ADAMTS17: variants seen among roughly 807,000 people sequenced by gnomAD.
ADAMTS17 encodes the protein A disintegrin and metalloproteinase with thrombospondin motifs 17.
A neutral mutation model predicts 141.5 loss-of-function variants in ADAMTS17; 113 were observed. The observed-to-expected ratio is 0.80, with a 90% CI of 0.69 to 0.93. ADAMTS17 has a LOEUF of 0.93. Ranked by LOEUF, ADAMTS17 falls within the 40% of genes least tolerant of loss-of-function variation. The pLI is 0.00. For missense variants in ADAMTS17, 1,659 were observed against 1,517.9 expected, an observed-to-expected ratio of 1.09 and a Z score of -1.54; for synonymous variants, 768 against 630.6, an observed-to-expected ratio of 1.22 and a Z score of -3.27.
At chr15:100,036,408 T>C (rs1466530816) in intron 18 of ADAMTS17, among the ~76,000 whole-genome samples, 1 of 152,214 alleles carries the variant, frequency 6.6e-6, no homozygotes, top group African/African-American at 2.4e-5. Context: ...CACTGATTCC[T>C]GCTTGAGAAG....
chr15:100,017,312 G>A (rs917649337), intron 18 of ADAMTS17, among the ~76,000 whole-genome samples: 1 of 152,212 alleles, frequency 6.6e-6, no homozygotes, highest in African/African-American at 2.4e-5. Flanking sequence ...GAAAGAAAAG[G>A]GCTTGTTTCT....
intron 6 of ADAMTS17, among the ~76,000 whole-genome samples, chr15:100,259,895 A>G (rs2043456586): frequency 6.6e-6 from 1 of 152,134 alleles, no homozygotes; most frequent in Non-Finnish European, 1.5e-5. Flanking sequence ...CCCAGGCTGG[A>G]GTGCAATGGC....
At chr15:100,211,318 AAAG>A (rs1212633215) in intron 7 of ADAMTS17, among the ~76,000 whole-genome samples, 4 of 150,282 alleles carry the variant, frequency 2.7e-5, no homozygotes, top group South Asian at 2.1e-4. Context: ...AAAAAAAAAA[AAAG>A]TTAGAAGAGC....
intron 3 of ADAMTS17, among the ~76,000 whole-genome samples, chr15:100,290,148 A>G (rs1341925937): frequency 6.6e-6 from 1 of 152,176 alleles, no homozygotes; most frequent in Non-Finnish European, 1.5e-5. Flanking sequence ...CCTAGATCTG[A>G]TAACTCCAGC....
At chr15:100,102,518 C>A (rs2036174451) in intron 14 of ADAMTS17, among the ~76,000 whole-genome samples, 1 of 124,670 alleles carries the variant, frequency 8.0e-6, no homozygotes, top group Non-Finnish European at 1.7e-5. Flanking sequence ...AGGGGATCTA[C>A]ATTTGAGGGC....
intron 7 of ADAMTS17, among the ~76,000 whole-genome samples, chr15:100,213,472 G>A (rs1389295932): frequency 1.3e-5 from 2 of 152,036 alleles, no homozygotes; most frequent in African/African-American, 2.4e-5. Flanking sequence ...CTTCCTCCCC[G>A]TCCACAGCAC....
intron 3 of ADAMTS17, among the ~76,000 whole-genome samples, chr15:100,290,847 C>T (rs539096308): frequency 1.5e-3 from 230 of 152,286 alleles, no homozygotes; most frequent in Non-Finnish European, 2.8e-3. Flanking sequence ...CAAAAATTAA[C>T]TCGGGATGGA....
chr15:100,088,324 C>T (rs1489992752), intron 15 of ADAMTS17, among the ~76,000 whole-genome samples: 1 of 152,024 alleles, frequency 6.6e-6, no homozygotes, highest in Non-Finnish European at 1.5e-5. Context: ...AACCACTGCT[C>T]AATGAAATAA....
intron 10 of ADAMTS17, among the ~76,000 whole-genome samples, chr15:100,150,158 C>T (rs537348732): frequency 6.6e-6 from 1 of 152,274 alleles, no homozygotes; most frequent in Non-Finnish European, 1.5e-5. Flanking sequence ...GTAAAAGGCA[C>T]GTGGGAAGAT....
At chr15:99,995,438 C>T (rs2060782023) in intron 19 of ADAMTS17, among the ~76,000 whole-genome samples, 1 of 152,234 alleles carries the variant, frequency 6.6e-6, no homozygotes, top group Non-Finnish European at 1.5e-5. Flanking sequence ...CTGAGCAGTG[C>T]TGCAGGCTGC....
At chr15:100,192,550 A>G (rs757081587) in intron 8 of ADAMTS17, among the ~76,000 whole-genome samples, 6 of 152,200 alleles carry the variant, frequency 3.9e-5, no homozygotes, top group Non-Finnish European at 8.8e-5. Context: ...ATGCCGGCCC[A>G]TCTGATGTCT....
At position 100,185,303 on chromosome 15, in the gene ADAMTS17, G is replaced by C. The variant is rs1042393474; in HGVS notation, c.1181+14015C>G. Among the ~76,000 whole-genome samples, 3 of 152,050 alleles carry C rather than the reference G, an allele frequency of 2.0e-5. No homozygotes were observed. The East Asian group carries it at 5.8e-4, about 29-fold the overall frequency. ...GACATAAAGCCCTGAGAACAAGCTC[G>C]TAGAAGAAACCTGTGAGATCTACCA... On this transcript the variant is annotated intron_variant, in intron 8 of 21. Coordinates refer to ENST00000268070, the MANE Select transcript of ADAMTS17 (RefSeq NM_139057.4).
intron 20 of ADAMTS17, among the ~76,000 whole-genome samples, chr15:99,989,147 G>T (rs1716726454): frequency 6.6e-6 from 1 of 152,168 alleles, no homozygotes; most frequent in African/African-American, 2.4e-5. Flanking sequence ...CTCTGCCGGG[G>T]GGTGTGGGCG....
chr15:100,064,685 T>G (rs780641983), intron 15 of ADAMTS17, among the ~76,000 whole-genome samples: 8 of 151,976 alleles, frequency 5.3e-5, no homozygotes, highest in Non-Finnish European at 1.0e-4. Flanking sequence ...TTAAGCAGAG[T>G]AGGGGGCCAG....
chr15:100,286,171 C>A (rs1356977913), intron 3 of ADAMTS17, among the ~76,000 whole-genome samples: 3 of 152,152 alleles, frequency 2.0e-5, no homozygotes, highest in African/African-American at 7.2e-5. Flanking sequence ...CAGATCTCTC[C>A]CACTGCTTTG....
At chr15:100,140,488 C>CATACATATATATATATATATATATATAT (rs1386955753) in intron 10 of ADAMTS17, among the ~76,000 whole-genome samples, 5 of 124,998 alleles carry the variant, frequency 4.0e-5, no homozygotes, top group Non-Finnish European at 8.8e-5. Context: ...CACATACATA[C>CATACATATATATATATATATATATATAT]ATATATATAT....
chr15:100,125,187 G>A (rs536163013), intron 12 of ADAMTS17, among the ~76,000 whole-genome samples: 110 of 152,338 alleles, frequency 7.2e-4, no homozygotes, highest in Non-Finnish European at 1.1e-3. Context: ...CAAAGCCATA[G>A]GGTTTCAGAA....
intron 15 of ADAMTS17, among the ~76,000 whole-genome samples, chr15:100,089,229 G>GA (rs1268568646): frequency 7.1e-6 from 1 of 141,268 alleles, no homozygotes; most frequent in East Asian, 2.6e-4. Flanking sequence ...AAAAACACAT[G>GA]AAAAAATGCT....
At chr15:100,324,038 A>AAG (rs1235512190) in intron 3 of ADAMTS17, among the ~76,000 whole-genome samples, 14 of 151,684 alleles carry the variant, frequency 9.2e-5, no homozygotes, top group African/African-American at 2.2e-4. Flanking sequence ...AAAAAAAAAA[A>AAG]AAGAAGAAAG....
Sources: allele counts gnomAD v4.1 joint callset (sites outside exome capture counted in the v4.1 genomes callset), GRCh38; gene constraint gnomAD v4.1.1; transcripts MANE v1.5; gene names NCBI Gene and HGNC (gene_info 2026-07-23, HGNC 2026-07-21).